Variants in MAP7 observed in about 807,000 individuals in gnomAD.
The protein encoded by MAP7 is microtubule associated protein 7, also known as ensconsin.
Under a neutral mutation model 94.8 loss-of-function variants are expected in MAP7, and 52 were observed. The observed-to-expected ratio is 0.55, with a 90% confidence interval of 0.44 to 0.69. MAP7 has a LOEUF of 0.69. Ranked by LOEUF, MAP7 falls within the 30% of genes least tolerant of loss-of-function variation. The pLI, the probability that MAP7 is intolerant of heterozygous loss-of-function variation, is 0.00. For synonymous variants in MAP7, 350 were observed against 357.0 expected, an observed-to-expected ratio of 0.98 and a Z score of 0.22; for missense variants, 940 against 964.6, an observed-to-expected ratio of 0.97 and a Z score of 0.34.
chr6:136,391,097 A>G (rs1036646335), intron 3 of MAP7, among the ~76,000 whole-genome samples: 7 of 152,194 alleles, frequency 4.6e-5, no homozygotes, highest in African/African-American at 1.7e-4. Flanking sequence ...AGCATATAGT[A>G]TCATTGTTGG....
intron 1 of MAP7, among the ~76,000 whole-genome samples, chr6:136,514,149 G>C (rs1390444444): frequency 1.3e-5 from 2 of 152,158 alleles, no homozygotes; most frequent in Non-Finnish European, 2.9e-5. Flanking sequence ...TCTTTGCCCA[G>C]ATCCATCAGA....
intron 1 of MAP7, among the ~76,000 whole-genome samples, chr6:136,498,547 G>A (rs1431777184): frequency 1.3e-5 from 2 of 152,218 alleles, no homozygotes; most frequent in East Asian, 3.9e-4. Flanking sequence ...ACATGCACCT[G>A]TGTCTAAGGG....
At chr6:136,472,314 T>C (rs1334581078) in intron 1 of MAP7, among the ~76,000 whole-genome samples, 1 of 152,138 alleles carries the variant, frequency 6.6e-6, no homozygotes, top group East Asian at 1.9e-4. Context: ...GAGTCCTATG[T>C]TAGGTTAGAA....
chr6:136,404,564 T>G (rs1464409001), intron 3 of MAP7, among the ~76,000 whole-genome samples: 2 of 152,224 alleles, frequency 1.3e-5, no homozygotes, highest in African/African-American at 4.8e-5. Flanking sequence ...TAAGTTGACA[T>G]TTTTCTTCAA....
chr6:136,534,112 G>A (rs1828694108), intron 1 of MAP7, among the ~76,000 whole-genome samples: 1 of 152,158 alleles, frequency 6.6e-6, no homozygotes, highest in Non-Finnish European at 1.5e-5. Context: ...TTCTTCTTGA[G>A]GGTGAGTGTA....
intron 1 of MAP7, among the ~76,000 whole-genome samples, chr6:136,436,649 C>T (rs989667301): frequency 1.3e-5 from 2 of 152,204 alleles, no homozygotes; most frequent in South Asian, 2.1e-4. Flanking sequence ...CAAAGCACTG[C>T]GATTACAGGT....
At chr6:136,536,986 C>G (rs768700153) in intron 1 of MAP7, among the ~76,000 whole-genome samples, 3 of 152,212 alleles carry the variant, frequency 2.0e-5, no homozygotes, top group Non-Finnish European at 4.4e-5. Context: ...ATTTCATATA[C>G]AGGCCTTCTC....
chr6:136,511,121 T>TA (rs1457113845), intron 1 of MAP7, among the ~76,000 whole-genome samples: 1 of 152,174 alleles, frequency 6.6e-6, no homozygotes, highest in Non-Finnish European at 1.5e-5. Context: ...TGAAATTACT[T>TA]AGATTGTGAG....
chr6:136,510,363 T>C (rs967589477), intron 1 of MAP7, among the ~76,000 whole-genome samples: 5 of 152,112 alleles, frequency 3.3e-5, no homozygotes, highest in African/African-American at 9.7e-5. Context: ...CAGGAGGCTA[T>C]GAGGGGACAC....
chr6:136,452,906 A>G (rs572528808), intron 1 of MAP7, among the ~76,000 whole-genome samples: 2 of 152,300 alleles, frequency 1.3e-5, no homozygotes, highest in South Asian at 4.1e-4. Flanking sequence ...TGCACATTTA[A>G]TAGACTACAG....
rs1377907832 is a variant in MAP7, at chr6:136,366,397, T to C, written c.919A>G (p.Thr307Ala). The change falls in exon 9 of 18, where the codon ACA becomes GCA. Residue 307 changes from threonine to alanine, a missense_variant. Physicochemically the swap from Thr to Ala is moderately conservative, Grantham distance 58. Coordinates refer to ENST00000354570, the MANE Select transcript of MAP7 (RefSeq NM_003980.6). ...GATACAGCCCTTCGGGTGCCAGATG[T>C]GAGGAAGAGTACATTTTCTCTCTCT... ...ERERENVLFL[T>A]SGTRRAVSPS... 1.2e-6 allele frequency: 2 copies of C among 1,614,062 alleles called. No homozygotes were observed. The highest frequency in any genetic ancestry group is 1.7e-6 in the Non-Finnish European group (2 of 1,179,996).
chr6:136,445,988 G>A (rs1389402440), intron 1 of MAP7, among the ~76,000 whole-genome samples: 1 of 152,200 alleles, frequency 6.6e-6, no homozygotes, highest in African/African-American at 2.4e-5. Context: ...GACACCAGCT[G>A]GGTATCTTCT....
chr6:136,444,218 C>A (rs1798684359), intron 1 of MAP7, among the ~76,000 whole-genome samples: 1 of 152,290 alleles, frequency 6.6e-6, no homozygotes, highest in African/African-American at 2.4e-5. Flanking sequence ...ATCAGAAACA[C>A]CTTGGGTATT....
intron 1 of MAP7, among the ~76,000 whole-genome samples, chr6:136,485,987 C>G (rs901560031): frequency 6.6e-6 from 1 of 152,156 alleles, no homozygotes; most frequent in Non-Finnish European, 1.5e-5. Context: ...CCTCCTAGAA[C>G]CTTGTGAAAC....
chr6:136,379,208 C>T (rs187963110), intron 6 of MAP7, among the ~76,000 whole-genome samples: 2 of 151,550 alleles, frequency 1.3e-5, no homozygotes, highest in Non-Finnish European at 1.5e-5. Context: ...AAGCCATATA[C>T]TGCTAAACAT....
intron 1 of MAP7, among the ~76,000 whole-genome samples, chr6:136,457,001 G>A: frequency 7.2e-6 from 1 of 139,462 alleles, no homozygotes; most frequent in African/African-American, 2.6e-5. Context: ...AAAACACTGG[G>A]GAAAAAAACT....
chr6:136,427,672 T>C (rs1793574076), intron 1 of MAP7, among the ~76,000 whole-genome samples: 1 of 152,236 alleles, frequency 6.6e-6, no homozygotes, highest in South Asian at 2.1e-4. Flanking sequence ...ATGATACATA[T>C]TTGAGTTATA....
Position 136,452,462 on chromosome 6 carries a change from T to C in MAP7, c.68-30663A>G, listed in dbSNP as rs149315036. On this transcript the variant is annotated intron_variant, in intron 1 of 17. Coordinates refer to ENST00000354570, the MANE Select transcript of MAP7 (RefSeq NM_003980.6). ...TGCTGCAGAGAAATGAAAGGAAGAG[T>C]CTACTGATGCAATCAACTTCACTGC... 4.0e-3 allele frequency among the ~76,000 whole-genome samples: 615 copies of C among 152,206 alleles called. 1 individual carries two copies. Among genetic ancestry groups the C allele is most frequent in the Non-Finnish European group, 7.1e-3 (482 of 68,004 alleles).
At chr6:136,360,903 G>A (rs1792480627) in intron 12 of MAP7, 102 bp downstream of exon 12, 1 of 1,548,170 alleles carries the variant, frequency 6.5e-7, no homozygotes, top group South Asian at 1.1e-5. Context: ...GAGAAGGTGT[G>A]GAAAGCGGGA....
Sources: gnomAD v4.1 joint callset for allele counts (sites outside exome capture counted in the v4.1 genomes callset) on GRCh38, gnomAD v4.1.1 for gene constraint, MANE v1.5 for transcripts, NCBI Gene and HGNC (gene_info 2026-07-23, HGNC 2026-07-21) for gene names.